ELAVL3: variants seen among roughly 807,000 people sequenced by gnomAD.
The protein encoded by ELAVL3 is ELAV-like protein 3.
ELAVL3 carries 8 observed loss-of-function variants against 34.2 expected under a neutral mutation model. The ratio of observed to expected loss-of-function variants is 0.23; its 90% CI spans 0.14 to 0.42. ELAVL3 has a LOEUF of 0.42. Among genes scored for constraint, ELAVL3 ranks in the 10% least tolerant of loss-of-function variants. ELAVL3 has a pLI of 1.00. For synonymous variants in ELAVL3, 209 were observed against 222.1 expected, an observed-to-expected ratio of 0.94 and a Z score of 0.53; for missense variants, 273 against 518.8, an observed-to-expected ratio of 0.53 and a Z score of 4.60.
At chr19:11,457,233 AC>A in intron 5 of ELAVL3, 85 bp from the exon 6 acceptor site, 1 of 993,076 alleles carries the variant, frequency 1.0e-6, no homozygotes, top group South Asian at 2.0e-5. Flanking sequence ...CCCCACCCCC[AC>A]CCAACAGGCC....
At position 11,480,737 on chromosome 19, in the gene ELAVL3, G is replaced by A; in HGVS notation, c.-129C>T. The A allele has an allele frequency of 1.1e-6, 1 of 894,418 alleles. No individual in the cohort carries two copies. The highest frequency in any genetic ancestry group is 1.5e-6 in the Non-Finnish European group (1 of 646,382). The allele number at this position is 894,418 out of a possible 1,614,324, so 55.4% of individuals were successfully genotyped here. ...CTCTGGTGCGGCCGCTGCAGATGTG[G>A]CGATGAAGGCGGCGGCTCCCTCGAG... On this transcript the variant is annotated 5_prime_UTR_variant, in exon 1 of 7. Coordinates refer to ENST00000359227, the MANE Select transcript of ELAVL3 (RefSeq NM_001420.4). The surrounding 1 kb of genome is among the most constrained non-coding windows in gnomAD (Gnocchi z 6.8).
At chr19:11,456,994 A>G in intron 6 of ELAVL3, 116 bp downstream of exon 6, 1 of 926,578 alleles carries the variant, frequency 1.1e-6, no homozygotes, top group Non-Finnish European at 1.5e-6. Flanking sequence ...TGGCCATGCT[A>G]CTCCAAGACC....
rs1289579728 is a variant in ELAVL3, at chr19:11,458,491, T to C, written c.454A>G (p.Ile152Val). The C allele has an allele frequency of 6.2e-7, 1 of 1,614,142 alleles. No homozygotes were observed. The highest frequency in any genetic ancestry group is 8.5e-7 in the Non-Finnish European group (1 of 1,180,028). ...TGGTCCACCAGGATGCGGGACGTGA[T>C]GATGCGGCCGTACTGGGAGAAGAGC... is the stretch of plus-strand genomic sequence containing the variant. ...EQLFSQYGRI[I>V]TSRILVDQVT... The change falls in exon 4 of 7, where the codon ATC becomes GTC. Residue 152 changes from isoleucine to valine, a missense_variant. By Grantham distance (29) the Ile-to-Val change is conservative. This residue lies in a region of ELAVL3 where 102 missense variants were observed against 250.1 expected (regional missense o/e 0.41). Coordinates refer to ENST00000359227, the MANE Select transcript of ELAVL3 (RefSeq NM_001420.4). This position sits in a 1 kb window ranked among gnomAD's most constrained non-coding sequence, Gnocchi z 7.3.
Position 11,454,664 on chromosome 19 carries a change from G to T in ELAVL3, c.966C>A (p.Asn322Lys). The T allele has an allele frequency of 6.2e-7, 1 of 1,614,220 alleles. No homozygotes were observed. Among genetic ancestry groups the T allele is most frequent in the Non-Finnish European group, 8.5e-7 (1 of 1,180,018 alleles). ...NVKVIRDFTT[N>K]KCKGFGFVTM... ...TCACGAAGCCGAAACCCTTGCACTT[G>T]TTGGTGGTGAAATCACGGATGACCT... Residue 322 changes from asparagine to lysine, a missense_variant, in exon 7 of 7, where the codon AAC becomes AAA. This residue lies in a region of ELAVL3 where 52 missense variants were observed against 119.6 expected (regional missense o/e 0.43). Coordinates refer to ENST00000359227, the MANE Select transcript of ELAVL3 (RefSeq NM_001420.4). The surrounding 1 kb of genome is among the most constrained non-coding windows in gnomAD (Gnocchi z 9.2).
At chr19:11,460,577 C>G (rs1295369212) in intron 3 of ELAVL3, among the ~76,000 whole-genome samples, 1 of 152,034 alleles carries the variant, frequency 6.6e-6, no homozygotes, top group African/African-American at 2.4e-5. Flanking sequence ...ACTTGAACTT[C>G]CCCCATTTTT....
At chr19:11,477,980 G>A (rs1186468034) in intron 1 of ELAVL3, among the ~76,000 whole-genome samples, 2 of 152,080 alleles carry the variant, frequency 1.3e-5, no homozygotes, top group African/African-American at 2.4e-5. Context: ...ATGAGCCACC[G>A]TGCTAGATCC....
chr19:11,458,134 G>T lies in ELAVL3; in HGVS notation c.640C>A (p.Leu214Met). The part of the protein sequence containing the change: ...NNPSQKTGQA[L>M]LTHLYQSSAR... Reference sequence around the variant, plus strand: ...GATGACTGGTAGAGGTGGGTGAGCAGCGCCTGCCCCGTCTTCTGACTTGGG... The same window carrying T: ...GATGACTGGTAGAGGTGGGTGAGCATCGCCTGCCCCGTCTTCTGACTTGGG... Residue 214 changes from leucine to methionine, a missense_variant, in exon 5 of 7, where the codon CTG (leucine) becomes ATG (methionine). By Grantham distance (15) the Leu-to-Met change is conservative. This residue lies in a region of ELAVL3 where 102 missense variants were observed against 250.1 expected (regional missense o/e 0.41). Transcript: ENST00000359227. This position sits in a 1 kb window ranked among gnomAD's most constrained non-coding sequence, Gnocchi z 7.3. 1 of 1,614,104 alleles carries T rather than the reference G, an allele frequency of 6.2e-7. No homozygotes were observed. The highest frequency in any genetic ancestry group is 8.5e-7 in the Non-Finnish European group (1 of 1,180,016).
intron 1 of ELAVL3, among the ~76,000 whole-genome samples, chr19:11,472,970 G>A (rs930528068): frequency 2.0e-5 from 3 of 152,016 alleles, no homozygotes; most frequent in African/African-American, 7.3e-5. Flanking sequence ...GGGAGGCTGA[G>A]GCAGGAGAAT....
chr19:11,473,099 C>A (rs1031228338), intron 1 of ELAVL3, among the ~76,000 whole-genome samples: 2 of 149,592 alleles, frequency 1.3e-5, no homozygotes, highest in Admixed American at 6.7e-5. Flanking sequence ...GGCGCGGTGG[C>A]TCACACCTGT....
intron 1 of ELAVL3, among the ~76,000 whole-genome samples, chr19:11,469,948 T>C (rs369834402): frequency 6.6e-5 from 10 of 152,148 alleles, no homozygotes; most frequent in African/African-American, 2.2e-4. Flanking sequence ...GCAAAGATAC[T>C]TGGGAGGCTG....
At chr19:11,471,379 C>G (rs1055372228) in intron 1 of ELAVL3, among the ~76,000 whole-genome samples, 1 of 150,588 alleles carries the variant, frequency 6.6e-6, no homozygotes. Context: ...CTTTGGGAGG[C>G]CGAGGCGGGT....
chr19:11,464,108 T>TCTCC, intron 3 of ELAVL3, among the ~76,000 whole-genome samples: 1 of 133,430 alleles, frequency 7.5e-6, no homozygotes, highest in East Asian at 2.1e-4. Context: ...CCTCTCTCTC[T>TCTCC]CTCTGTCTCT....
intron 5 of ELAVL3, among the ~76,000 whole-genome samples, chr19:11,457,670 G>A (rs973419714): frequency 2.0e-5 from 3 of 152,180 alleles, no homozygotes; most frequent in Non-Finnish European, 4.4e-5. Flanking sequence ...CCATAAAACA[G>A]GGACAACACA....
chr19:11,478,790 T>A (rs1971311985), intron 1 of ELAVL3, among the ~76,000 whole-genome samples: 1 of 152,098 alleles, frequency 6.6e-6, no homozygotes. Flanking sequence ...TCTTAAAACC[T>A]CCTGTGTCTG....
intron 1 of ELAVL3, among the ~76,000 whole-genome samples, chr19:11,471,341 G>A (rs192765461): frequency 9.9e-5 from 15 of 150,760 alleles, no homozygotes; most frequent in African/African-American, 2.9e-4. Context: ...TGAGCCAGGC[G>A]CAGTGGCTCA....
At position 11,478,596 on chromosome 19, in the gene ELAVL3, C is replaced by T. The variant is rs182149315; in HGVS notation, c.9+2004G>A. On this transcript the variant is annotated intron_variant, in intron 1 of 6. Transcript: ENST00000359227. ...ATTCTCTCCAGTGCTTCTTCTAAGTCTCCCCCGACTTTTGGTTTCTCTCTC... is the reference window on the plus strand; with the variant it reads ...ATTCTCTCCAGTGCTTCTTCTAAGTTTCCCCCGACTTTTGGTTTCTCTCTC... Among the ~76,000 whole-genome samples the T allele has an allele frequency of 4.6e-5, 7 of 152,236 alleles. No homozygotes were observed. The East Asian group carries it at 1.4e-3, about 29-fold the overall frequency.
At chr19:11,478,741 G>A (rs1031247774) in intron 1 of ELAVL3, among the ~76,000 whole-genome samples, 4 of 151,898 alleles carry the variant, frequency 2.6e-5, no homozygotes, top group African/African-American at 9.7e-5. Flanking sequence ...TACATCTGAC[G>A]TATGGGTTTT....
Position 11,454,452 on chromosome 19 carries a change from T to C in ELAVL3, c.*74A>G. 1 of 1,281,656 alleles carries C rather than the reference T, an allele frequency of 7.8e-7. No individual in the cohort carries two copies. The highest frequency in any genetic ancestry group is 1.0e-6 in the Non-Finnish European group (1 of 965,306). 79.4% of individuals were successfully genotyped at this position (1,281,656 alleles called of 1,614,324 possible). ...TGTGCTGTCTCTCTTGGGCCCCTTC[T>C]CTCTCTCTCTCTCTCTTTCTCTCTC... On this transcript the variant is annotated 3_prime_UTR_variant, in exon 7 of 7. Transcript: ENST00000359227. The surrounding 1 kb of genome is among the most constrained non-coding windows in gnomAD (Gnocchi z 9.2).
rs893226476 is a variant in ELAVL3 at position 11,462,140 on chromosome 19, A to T, written c.334-3529T>A. Among the ~76,000 whole-genome samples the T allele has an allele frequency of 3.5e-5, 5 of 143,502 alleles. No individual in the cohort carries two copies. The East Asian group carries it at 1.0e-3, about 29-fold the overall frequency. 94.1% of individuals were successfully genotyped at this position (143,502 alleles called of 152,430 possible). On this transcript the variant is annotated intron_variant, in intron 3 of 6. Coordinates refer to ENST00000359227, the MANE Select transcript of ELAVL3 (RefSeq NM_001420.4). ...CAGTGAGCCGAGATCGCGCCACTGC[A>T]CTCCAGCCTGGGCAACAGAGCGAGA...
Sources: allele counts gnomAD v4.1 joint callset (sites outside exome capture counted in the v4.1 genomes callset), GRCh38; gene constraint gnomAD v4.1.1; regional missense constraint gnomAD v4.1.1; non-coding constraint Gnocchi (gnomAD v3.1); transcripts MANE v1.5; gene names NCBI Gene and HGNC (gene_info 2026-07-23, HGNC 2026-07-21).